Variants in ARHGAP10 observed in about 807,000 individuals in gnomAD.
ARHGAP10 encodes the protein Rho GTPase activating protein 10.
A neutral mutation model predicts 108.6 loss-of-function variants in ARHGAP10; 87 were observed. The observed-to-expected ratio is 0.80, with a 90% CI of 0.67 to 0.96. ARHGAP10 has a LOEUF of 0.96. Ranked by LOEUF, ARHGAP10 falls within the 40% of genes least tolerant of loss-of-function variation. ARHGAP10 has a pLI of 0.00. For missense variants in ARHGAP10, 939 were observed against 954.5 expected (o/e 0.98, Z 0.21); for synonymous variants, 347 against 341.1 (o/e 1.02, Z -0.19).
chr4:147,887,581 G>A (rs1735622813), intron 10 of ARHGAP10, among the ~76,000 whole-genome samples: 1 of 151,898 alleles, frequency 6.6e-6, no homozygotes, highest in South Asian at 2.1e-4. Context: ...TTCTTTCCTG[G>A]CCAGGTGCGG....
At chr4:147,911,168 C>T (rs115590242) in intron 12 of ARHGAP10, among the ~76,000 whole-genome samples, 240 of 146,366 alleles carry the variant, frequency 1.6e-3, no homozygotes, top group Middle Eastern at 3.4e-3. Context: ...TTTTATAAAG[C>T]TTTGTGAATA....
intron 14 of ARHGAP10, among the ~76,000 whole-genome samples, chr4:147,942,399 A>ATTGT (rs1265521102): frequency 6.6e-6 from 1 of 152,148 alleles, no homozygotes; most frequent in East Asian, 1.9e-4. Context: ...AGTACTTTGT[A>ATTGT]TTGTTTGTTA....
chr4:148,049,954 G>A (rs371871096), intron 20 of ARHGAP10, among the ~76,000 whole-genome samples: 3 of 151,888 alleles, frequency 2.0e-5, no homozygotes, highest in African/African-American at 4.8e-5. Flanking sequence ...TGCAACCTCC[G>A]CTTCCTGGGT....
Position 147,837,813 on chromosome 4 carries a change from C to T in ARHGAP10, c.313-9338C>T, listed in dbSNP as rs1043346736. On this transcript the variant is annotated intron_variant, in intron 3 of 22. Coordinates refer to ENST00000336498, the MANE Select transcript of ARHGAP10 (RefSeq NM_024605.4). ...TTTGTTTCAGTGGGAAGGAGAATTC[C>T]TCAAACATAGGAAGGGGTTTCAAGT... is the stretch of plus-strand genomic sequence containing the variant. Among the ~76,000 whole-genome samples the T allele has an allele frequency of 4.0e-5, 6 of 151,868 alleles. No homozygotes were observed. The South Asian group carries it at 1.3e-3, about 32-fold the overall frequency.
intron 3 of ARHGAP10, among the ~76,000 whole-genome samples, chr4:147,845,439 G>T (rs2126815425): frequency 6.6e-6 from 1 of 152,290 alleles, no homozygotes; most frequent in African/African-American, 2.4e-5. Flanking sequence ...CTTAACAGCT[G>T]TTTATCTCGT....
At chr4:147,738,712 C>T (rs542142684) in intron 1 of ARHGAP10, among the ~76,000 whole-genome samples, 5 of 152,208 alleles carry the variant, frequency 3.3e-5, no homozygotes, top group African/African-American at 1.2e-4. Context: ...CCTGTTCTTG[C>T]CTCAAAATAG....
At chr4:148,035,064 G>A (rs150941559) in intron 19 of ARHGAP10, among the ~76,000 whole-genome samples, 4 of 152,312 alleles carry the variant, frequency 2.6e-5, no homozygotes, top group East Asian at 3.9e-4. Flanking sequence ...AGAGGTAGAG[G>A]TGGTTCCTGG....
chr4:147,814,974 C>G (rs143144531), intron 1 of ARHGAP10, among the ~76,000 whole-genome samples: 1 of 152,136 alleles, frequency 6.6e-6, no homozygotes, highest in South Asian at 2.1e-4. Flanking sequence ...ACCATAGCAC[C>G]CATTAAACCA....
chr4:147,955,395 T>C (rs964835813), intron 16 of ARHGAP10, 21 bp downstream of exon 16: 3 of 1,599,314 alleles, frequency 1.9e-6, no homozygotes, highest in Non-Finnish European at 2.6e-6. Context: ...TGTAAAGGTA[T>C]ATAGGAACAG....
At chr4:147,768,981 G>T (rs760201684) in intron 1 of ARHGAP10, among the ~76,000 whole-genome samples, 1 of 151,942 alleles carries the variant, frequency 6.6e-6, no homozygotes. Flanking sequence ...CAAGTGATCT[G>T]CCTGCCTCGG....
chr4:147,973,326 A>G (rs1359101189), intron 18 of ARHGAP10, among the ~76,000 whole-genome samples: 1 of 152,076 alleles, frequency 6.6e-6, no homozygotes, highest in Non-Finnish European at 1.5e-5. Context: ...CTTTAGAGGA[A>G]CTTAAACAGG....
At chr4:147,842,882 A>G (rs1733470972) in intron 3 of ARHGAP10, among the ~76,000 whole-genome samples, 2 of 152,198 alleles carry the variant, frequency 1.3e-5, no homozygotes, top group Non-Finnish European at 2.9e-5. Flanking sequence ...AAGGCAGATG[A>G]TAACTTCATA....
At chr4:148,006,931 T>A (rs1032278430) in intron 18 of ARHGAP10, among the ~76,000 whole-genome samples, 1 of 152,172 alleles carries the variant, frequency 6.6e-6, no homozygotes, top group Non-Finnish European at 1.5e-5. Flanking sequence ...CAGTGGACCT[T>A]TGTGGCCTTT....
chr4:148,042,912 T>TC (rs1728696029), intron 19 of ARHGAP10, among the ~76,000 whole-genome samples: 2 of 152,146 alleles, frequency 1.3e-5, no homozygotes, highest in South Asian at 4.1e-4. Flanking sequence ...AGATTTTTTT[T>TC]CCCTCCTCAA....
chr4:147,849,886 G>T (rs1733788981), intron 4 of ARHGAP10, among the ~76,000 whole-genome samples: 1 of 152,176 alleles, frequency 6.6e-6, no homozygotes, highest in East Asian at 1.9e-4. Flanking sequence ...TTATGTGCTT[G>T]CTAGGTTCTA....
chr4:147,985,897 C>T (rs1740027076), intron 18 of ARHGAP10, among the ~76,000 whole-genome samples: 1 of 152,194 alleles, frequency 6.6e-6, no homozygotes, highest in South Asian at 2.1e-4. Context: ...TCCTCTGCCT[C>T]TTATGTATTG....
chr4:147,940,861 A>G (rs887642243), intron 14 of ARHGAP10, among the ~76,000 whole-genome samples: 14 of 152,214 alleles, frequency 9.2e-5, no homozygotes, highest in African/African-American at 3.4e-4. Context: ...ACAATCTTTT[A>G]TAAGCTATTA....
chr4:148,049,238 G>A (rs1278475796), intron 20 of ARHGAP10, among the ~76,000 whole-genome samples: 1 of 152,158 alleles, frequency 6.6e-6, no homozygotes, highest in East Asian at 1.9e-4. Flanking sequence ...CTGGAGCTGA[G>A]GATTCTGTAG....
chr4:147,971,080 C>T (rs557049627), intron 18 of ARHGAP10, among the ~76,000 whole-genome samples: 14 of 124,264 alleles, frequency 1.1e-4, no homozygotes, highest in South Asian at 2.6e-4. Context: ...GTGACAAGAG[C>T]GAGACTCTGT....
Sources: gnomAD v4.1 joint callset for allele counts (sites outside exome capture counted in the v4.1 genomes callset) on GRCh38, gnomAD v4.1.1 for gene constraint, MANE v1.5 for transcripts, NCBI Gene and HGNC (gene_info 2026-07-23, HGNC 2026-07-21) for gene names.